Variants in CDH4 observed in about 807,000 individuals in gnomAD.
The protein encoded by CDH4 is cadherin-4.
In CDH4, 33 loss-of-function variants were observed where a neutral mutation model predicts 86.0. The observed-to-expected ratio is 0.38, with a 90% CI of 0.29 to 0.51. The LOEUF (loss-of-function observed/expected upper bound fraction) is 0.51. Among genes scored for constraint, CDH4 ranks in the 20% least tolerant of loss-of-function variants. The probability of loss-of-function intolerance (pLI) is 0.86; values close to 1 mark genes in which losing one functional copy is unlikely to be tolerated. For missense variants in CDH4, 1,114 were observed against 1,307.4 expected (o/e 0.85, Z 2.28); for synonymous variants, 555 against 549.4 (o/e 1.01, Z -0.14).
intron 2 of CDH4, among the ~76,000 whole-genome samples, chr20:61,707,758 T>C (rs2087847494): frequency 6.6e-6 from 1 of 152,130 alleles, no homozygotes; most frequent in South Asian, 2.1e-4. Context: ...TAGAGTCTCA[T>C]GAGGAACGCG....
chr20:61,458,320 GATGGTC>G (rs572188963), intron 2 of CDH4, among the ~76,000 whole-genome samples: 35 of 151,974 alleles, frequency 2.3e-4, no homozygotes, highest in African/African-American at 7.5e-4. Context: ...TAGTGGTGGT[GATGGTC>G]ATGGTCATGA....
chr20:61,484,691 A>G (rs535839665), intron 2 of CDH4, among the ~76,000 whole-genome samples: 1 of 152,308 alleles, frequency 6.6e-6, no homozygotes, highest in South Asian at 2.1e-4. Flanking sequence ...CTGTGTGCTC[A>G]TCGGATCCCT....
chr20:61,566,920 C>T (rs576812157), intron 2 of CDH4, among the ~76,000 whole-genome samples: 44 of 152,292 alleles, frequency 2.9e-4, no homozygotes, highest in Non-Finnish European at 6.0e-4. Flanking sequence ...GTGTCTTCCT[C>T]CCAGTGTCTT....
At chr20:61,344,345 A>G (rs2084665299) in intron 2 of CDH4, among the ~76,000 whole-genome samples, 1 of 152,176 alleles carries the variant, frequency 6.6e-6, no homozygotes, top group African/African-American at 2.4e-5. Context: ...TTTGGGAATT[A>G]CTGCAGGACT....
intron 2 of CDH4, among the ~76,000 whole-genome samples, chr20:61,362,216 G>T (rs940557361): frequency 6.6e-6 from 1 of 152,234 alleles, no homozygotes; most frequent in Non-Finnish European, 1.5e-5. Flanking sequence ...CTGGCAGGGG[G>T]GGATGTGCTT....
chr20:61,313,763 G>A (rs1400058584), intron 2 of CDH4, among the ~76,000 whole-genome samples: 1 of 152,144 alleles, frequency 6.6e-6, no homozygotes, highest in Admixed American at 6.5e-5. Context: ...TTAAGACATG[G>A]TCTCGCTCTG....
intron 2 of CDH4, among the ~76,000 whole-genome samples, chr20:61,342,817 CA>C (rs2084656108): frequency 6.6e-6 from 1 of 152,232 alleles, no homozygotes; most frequent in Non-Finnish European, 1.5e-5. Flanking sequence ...CGTGAGAGCC[CA>C]GGGGGCAGCA....
chr20:61,843,739 TG>T (rs1982296052), intron 4 of CDH4, among the ~76,000 whole-genome samples: 2 of 152,152 alleles, frequency 1.3e-5, no homozygotes, highest in Non-Finnish European at 2.9e-5. Flanking sequence ...GGGGTATTTT[TG>T]GGGTTTCCGC....
rs1000985648 is a variant in CDH4, at chr20:61,915,000, A to T, written c.1374+4393A>T. Among the ~76,000 whole-genome samples the T allele has an allele frequency of 2.6e-5, 4 of 152,124 alleles. No homozygotes were observed. The South Asian group carries it at 8.3e-4, about 32-fold the overall frequency. ...CCAGGGAGCCTCAGGCCAGGCCCCAATGTGATCAGCTACAGTGACGTTGGG... is the reference window on the plus strand; with the variant it reads ...CCAGGGAGCCTCAGGCCAGGCCCCATTGTGATCAGCTACAGTGACGTTGGG... On this transcript the variant is annotated intron_variant, in intron 9 of 15. Transcript: ENST00000614565.
intron 2 of CDH4, among the ~76,000 whole-genome samples, chr20:61,320,367 G>T (rs562163770): frequency 5.9e-5 from 9 of 152,200 alleles, no homozygotes; most frequent in African/African-American, 2.2e-4. Flanking sequence ...TCTAGTCCCT[G>T]GGGGCTCACA....
chr20:61,756,199 G>C (rs1322404553), intron 3 of CDH4, among the ~76,000 whole-genome samples: 2 of 152,182 alleles, frequency 1.3e-5, no homozygotes, highest in Admixed American at 6.5e-5. Context: ...CTCAGAGCAG[G>C]ATGTCTGGAG....
At chr20:61,612,072 A>G (rs1014842306) in intron 2 of CDH4, among the ~76,000 whole-genome samples, 4 of 152,102 alleles carry the variant, frequency 2.6e-5, no homozygotes, top group African/African-American at 9.7e-5. Flanking sequence ...CCAATCTAGT[A>G]CAATTATGGA....
intron 4 of CDH4, among the ~76,000 whole-genome samples, chr20:61,825,104 G>A (rs181412592): frequency 4.9e-4 from 74 of 151,718 alleles, no homozygotes; most frequent in Non-Finnish European, 7.7e-4. Context: ...TTCACCCCAC[G>A]ACTTTAAAAA....
chr20:61,432,399 CA>C (rs1355215712), intron 2 of CDH4, among the ~76,000 whole-genome samples: 1 of 152,168 alleles, frequency 6.6e-6, no homozygotes, highest in Non-Finnish European at 1.5e-5. Flanking sequence ...CAATATTAGG[CA>C]TATTTTCACG....
intron 2 of CDH4, among the ~76,000 whole-genome samples, chr20:61,509,672 G>A (rs1168778061): frequency 2.0e-5 from 3 of 151,962 alleles, no homozygotes; most frequent in Non-Finnish European, 2.9e-5. Flanking sequence ...CCAGGCAGGC[G>A]GGAGAAGTCA....
intron 4 of CDH4, among the ~76,000 whole-genome samples, chr20:61,783,133 C>T (rs1460483939): frequency 6.6e-6 from 1 of 152,184 alleles, no homozygotes; most frequent in Admixed American, 6.5e-5. Context: ...CTGTTAGTCA[C>T]CAGATTGTCC....
rs908790874 is a variant in CDH4 at position 61,887,326 on chromosome 20, G to A, written c.1051-7584G>A. Among the ~76,000 whole-genome samples, 3 of 152,162 alleles carry A rather than the reference G, an allele frequency of 2.0e-5. No homozygotes were observed. The East Asian group carries it at 5.8e-4, about 29-fold the overall frequency. ...CTAGCTTCCTGCCCCTACCCAGCCAGGAGACACCCCTGCCCTGCCTCTCGA... is the reference window on the plus strand; with the variant it reads ...CTAGCTTCCTGCCCCTACCCAGCCAAGAGACACCCCTGCCCTGCCTCTCGA... On this transcript the variant is annotated intron_variant, in intron 7 of 15. Coordinates refer to ENST00000614565, the MANE Select transcript of CDH4 (RefSeq NM_001794.5).
intron 2 of CDH4, among the ~76,000 whole-genome samples, chr20:61,502,897 G>A (rs2085714725): frequency 6.6e-6 from 1 of 152,164 alleles, no homozygotes; most frequent in Non-Finnish European, 1.5e-5. Context: ...GGTTCCTTGT[G>A]GTTGTTGGGG....
chr20:61,488,407 C>T (rs373045996), intron 2 of CDH4, among the ~76,000 whole-genome samples: 5 of 152,162 alleles, frequency 3.3e-5, no homozygotes, highest in South Asian at 4.1e-4. Flanking sequence ...GGAGTTCACA[C>T]GGGTCCCCTG....
Sources: gnomAD v4.1 joint callset for allele counts (sites outside exome capture counted in the v4.1 genomes callset) on GRCh38, gnomAD v4.1.1 for gene constraint, MANE v1.5 for transcripts, NCBI Gene and HGNC (gene_info 2026-07-23, HGNC 2026-07-21) for gene names.